TNRC6C: variants seen among roughly 807,000 people sequenced by gnomAD.
TNRC6C encodes the protein trinucleotide repeat containing adaptor 6C, also known as trinucleotide repeat-containing gene 6C protein.
TNRC6C carries 20 observed loss-of-function variants against 153.7 expected under a neutral mutation model. The ratio of observed to expected loss-of-function variants is 0.13; its 90% confidence interval spans 0.09 to 0.19. The LOEUF (loss-of-function observed/expected upper bound fraction) is 0.19. Ranked by LOEUF, TNRC6C falls within the 10% of genes least tolerant of loss-of-function variation. TNRC6C has a pLI of 1.00. For synonymous variants in TNRC6C, 811 were observed against 841.4 expected (o/e 0.96, Z 0.63); for missense variants, 1,987 against 2,172.0 (o/e 0.91, Z 1.69).
At position 78,050,336 on chromosome 17, in the gene TNRC6C, G is replaced by A. The variant is rs1239329892; in HGVS notation, c.1274G>A (p.Gly425Glu). Residue 425 changes from glycine (G) to glutamate (E), a missense_variant, in exon 3 of 20, where the codon GGG becomes GAG. This residue lies in a region of TNRC6C where 1,052 missense variants were observed against 1,017.0 expected (regional missense o/e 1.03). Transcript: ENST00000301624. Reference sequence around the variant, plus strand: ...GGAGAAGGCCGAAGGCGAGATAAAGGGATTATAGACCAAGGGCACATCCAG... The same window carrying A: ...GGAGAAGGCCGAAGGCGAGATAAAGAGATTATAGACCAAGGGCACATCCAG... The A allele has an allele frequency of 2.5e-6, 4 of 1,603,226 alleles. No individual in the cohort carries two copies. The African/African-American group carries it at 5.4e-5, about 21-fold the overall frequency.
chr17:78,104,911 A>G lies in TNRC6C; in HGVS notation c.*66A>G. Reference sequence around the variant, plus strand: ...GGACCCCTCCCGGCTGGGCGGCCCCACAGACCCGCTGGAACCCAGCAGCGG... The same window carrying G: ...GGACCCCTCCCGGCTGGGCGGCCCCGCAGACCCGCTGGAACCCAGCAGCGG... On this transcript the variant is annotated 3_prime_UTR_variant, in exon 20 of 20. Transcript: ENST00000301624. The surrounding 1 kb of genome is among the most constrained non-coding windows in gnomAD (Gnocchi z 6.2). 2 of 1,370,892 alleles carry G rather than the reference A, an allele frequency of 1.5e-6. No homozygotes were observed. Among genetic ancestry groups the G allele is most frequent in the Non-Finnish European group, 1.9e-6 (2 of 1,067,204 alleles). 84.9% of individuals were successfully genotyped at this position (1,370,892 alleles called of 1,614,324 possible). A position where few individuals can be genotyped will look rare whatever the true frequency, so the allele number is the denominator to read the frequency against.
chr17:77,973,388 A>G (rs1047919736), intron 1 of TNRC6C, among the ~76,000 whole-genome samples: 3 of 152,210 alleles, frequency 2.0e-5, no homozygotes, highest in African/African-American at 7.2e-5. Context: ...ACACAGTAAT[A>G]TTATACGGAA....
rs1598801856 is a variant in TNRC6C, at chr17:78,104,662, T to C, written c.4890T>C (p.Ala1630=). 3.9e-6 allele frequency: 6 copies of C among 1,544,344 alleles called. No homozygotes were observed. The highest frequency in any genetic ancestry group is 3.5e-6 in the Non-Finnish European group (4 of 1,146,566). Residue 1630 remains alanine, a synonymous_variant, in exon 20 of 20, where the codon GCT becomes GCC. Coordinates refer to ENST00000301624, the Ensembl canonical transcript of TNRC6C. The surrounding 1 kb of genome is among the most constrained non-coding windows in gnomAD (Gnocchi z 6.2). ...CCCATGGCCTGGTACGCAGCGACGC[T>C]GGCCACTGGAACGCCCCGTGCCTGG...
At chr17:78,085,585 C>T (rs2073264880) in intron 11 of TNRC6C, among the ~76,000 whole-genome samples, 1 of 152,106 alleles carries the variant, frequency 6.6e-6, no homozygotes, top group Non-Finnish European at 1.5e-5. Flanking sequence ...ATGACCAAAG[C>T]TTCTATGTCA....
chr17:78,097,662 C>T, intron 16 of TNRC6C, 83 bp from the exon 19 acceptor site: 1 of 960,996 alleles, frequency 1.0e-6, no homozygotes, highest in Admixed American at 3.0e-5. Flanking sequence ...AGGTTGATTC[C>T]TGATGGTTCT....
chr17:78,108,086 G>T (rs1292641663), exon 20 of TNRC6C: 2 of 152,236 alleles, frequency 1.3e-5, no homozygotes, highest in African/African-American at 2.4e-5. Flanking sequence ...TGGCATTGGT[G>T]TTACAGACAG....
chr17:77,986,206 G>A (rs2071164973), intron 1 of TNRC6C, among the ~76,000 whole-genome samples: 3 of 152,208 alleles, frequency 2.0e-5, no homozygotes, highest in South Asian at 2.1e-4. Context: ...ACCCGAGGTC[G>A]GGAGTTTGAG....
chr17:77,972,786 A>G (rs1387172601), intron 1 of TNRC6C, among the ~76,000 whole-genome samples: 1 of 152,254 alleles, frequency 6.6e-6, no homozygotes, highest in East Asian at 1.9e-4. Context: ...CATAGAACTA[A>G]TACCAAGCCT....
At chr17:78,051,701 G>T (rs1222966376) in intron 3 of TNRC6C, among the ~76,000 whole-genome samples, 1 of 152,144 alleles carries the variant, frequency 6.6e-6, no homozygotes, top group Non-Finnish European at 1.5e-5. Context: ...CGAATGTTTT[G>T]GTGGTGGCGG....
chr17:78,083,097 T>G (rs780103239), exon 11 of TNRC6C: 1 of 1,614,036 alleles, frequency 6.2e-7, no homozygotes, highest in South Asian at 1.1e-5. Flanking sequence ...GTCTCAACCC[T>G]GCACTATTAA....
At chr17:78,094,554 T>G (rs900266047) in intron 16 of TNRC6C, among the ~76,000 whole-genome samples, 6 of 151,816 alleles carry the variant, frequency 4.0e-5, no homozygotes, top group African/African-American at 1.5e-4. Context: ...TTCTCATGCC[T>G]CAGCCTCCCG....
At chr17:77,961,618 A>G (rs2070863388) in intron 1 of TNRC6C, among the ~76,000 whole-genome samples, 1 of 152,122 alleles carries the variant, frequency 6.6e-6, no homozygotes, top group Non-Finnish European at 1.5e-5. Context: ...CTTCGTGTTT[A>G]TTGCGGGGGG....
chr17:78,013,066 G>C (rs751921499), intron 1 of TNRC6C, among the ~76,000 whole-genome samples: 3 of 152,024 alleles, frequency 2.0e-5, no homozygotes, highest in East Asian at 3.9e-4. Context: ...TCTTAAACCC[G>C]TCCATCAGGT....
At chr17:78,098,513 G>A (rs752491758) in exon 17 of TNRC6C, 14 of 1,613,252 alleles carry the variant, frequency 8.7e-6, no homozygotes, top group South Asian at 5.5e-5. Context: ...CAGCCCCCTC[G>A]GCTGGACCAG....
intron 8 of TNRC6C, among the ~76,000 whole-genome samples, chr17:78,076,863 GTTTA>G (rs2073094745): frequency 6.6e-6 from 1 of 152,176 alleles, no homozygotes; most frequent in African/African-American, 2.4e-5. Flanking sequence ...AAAAGAATCT[GTTTA>G]TTTGAAAATG....
At chr17:78,034,778 G>T (rs894626809) in intron 2 of TNRC6C, among the ~76,000 whole-genome samples, 2 of 152,096 alleles carry the variant, frequency 1.3e-5, no homozygotes, top group Non-Finnish European at 2.9e-5. Context: ...AGGCCAGCCT[G>T]GGTGACACAG....
At chr17:77,996,859 C>T (rs934491529) in intron 1 of TNRC6C, among the ~76,000 whole-genome samples, 2 of 152,094 alleles carry the variant, frequency 1.3e-5, no homozygotes, top group African/African-American at 4.8e-5. Context: ...CCCTAGAAGT[C>T]CACAGATTGT....
chr17:78,044,352 G>A (rs2072363167), intron 2 of TNRC6C, among the ~76,000 whole-genome samples: 1 of 152,148 alleles, frequency 6.6e-6, no homozygotes, highest in Admixed American at 6.5e-5. Context: ...GTATTGATAA[G>A]AATTATTCAT....
At chr17:78,028,680 C>T (rs1474624281) in intron 1 of TNRC6C, among the ~76,000 whole-genome samples, 4 of 152,106 alleles carry the variant, frequency 2.6e-5, no homozygotes, top group Non-Finnish European at 4.4e-5. Flanking sequence ...GAAACAGTAC[C>T]GTATCATGAA....
Sources: gnomAD v4.1 joint callset for allele counts (sites outside exome capture counted in the v4.1 genomes callset) on GRCh38, gnomAD v4.1.1 for gene constraint, gnomAD v4.1.1 regional missense constraint, Gnocchi (gnomAD v3.1) non-coding constraint, MANE v1.5 for transcripts, NCBI Gene and HGNC (gene_info 2026-07-23, HGNC 2026-07-21) for gene names.